The following LRP1B variants were observed in gnomAD, a reference collection of about 807,000 sequenced individuals.
LRP1B encodes LDL receptor related protein 1B.
A neutral mutation model predicts 556.6 loss-of-function variants in LRP1B; 217 were observed. The observed-to-expected ratio is 0.39, with a 90% CI of 0.35 to 0.44. The LOEUF is 0.44. Ranked by LOEUF, LRP1B falls within the 20% of genes least tolerant of loss-of-function variation. The pLI, the probability that LRP1B is intolerant of heterozygous loss-of-function variation, is 1.00. For synonymous variants in LRP1B, 2,047 were observed against 1,865.8 expected (o/e 1.10, Z -2.50); for missense variants, 5,053 against 5,620.8 (o/e 0.90, Z 3.23).
intron 3 of LRP1B, among the ~76,000 whole-genome samples, chr2:141,365,482 GTTTTT>G (rs34195312): frequency 1.3e-3 from 179 of 138,376 alleles, no homozygotes; most frequent in African/African-American, 4.5e-3. Flanking sequence ...GCTTAGAAGT[GTTTTT>G]TTTTTTTTTT....
intron 41 of LRP1B, among the ~76,000 whole-genome samples, chr2:140,697,222 T>A (rs562284097): frequency 6.6e-6 from 1 of 152,122 alleles, no homozygotes; most frequent in Non-Finnish European, 1.5e-5. Context: ...ATTGTATGTA[T>A]ACTTTAATTA....
intron 2 of LRP1B, among the ~76,000 whole-genome samples, chr2:141,709,935 G>A (rs976258195): frequency 6.6e-6 from 1 of 152,098 alleles, no homozygotes; most frequent in Admixed American, 6.5e-5. Flanking sequence ...CCTGTTTCCT[G>A]ATTCATTGAC....
intron 21 of LRP1B, among the ~76,000 whole-genome samples, chr2:140,919,725 C>T (rs540731378): frequency 1.3e-5 from 2 of 151,996 alleles, no homozygotes; most frequent in African/African-American, 2.4e-5. Flanking sequence ...GTTCATCAGG[C>T]AGTATCTCCT....
intron 31 of LRP1B, among the ~76,000 whole-genome samples, chr2:140,837,053 T>G (rs1010822898): frequency 1.6e-4 from 25 of 152,162 alleles, no homozygotes; most frequent in African/African-American, 2.4e-5. Context: ...TCACTTAGAG[T>G]CTTAATACTA....
At chr2:140,354,231 G>A (rs889434650) in intron 75 of LRP1B, among the ~76,000 whole-genome samples, 1 of 152,006 alleles carries the variant, frequency 6.6e-6, no homozygotes, top group Admixed American at 6.6e-5. Context: ...GAGAACTTAA[G>A]AATCAGCACA....
intron 83 of LRP1B, among the ~76,000 whole-genome samples, chr2:140,302,267 G>A (rs547645517): frequency 6.6e-6 from 1 of 151,838 alleles, no homozygotes; most frequent in African/African-American, 2.4e-5. Context: ...TCTGATTCTG[G>A]GCTCCTTCTT....
chr2:141,056,764 G>C (rs1699189188), intron 9 of LRP1B, among the ~76,000 whole-genome samples: 1 of 151,794 alleles, frequency 6.6e-6, no homozygotes, highest in South Asian at 2.1e-4. Flanking sequence ...GTCTGTCAAT[G>C]ACTCCCAAAT....
chr2:141,058,931 C>A lies in LRP1B; in HGVS notation c.1360G>T (p.Glu454Ter). Residue 454 changes from glutamate (E) to a stop codon, truncating the protein, a stop_gained, in exon 9 of 91, where the codon GAG becomes TAG. Transcript: ENST00000389484. LOFTEE classifies it high-confidence loss of function. ...GTDIHSLIKI[E>*]NAWGIRIYQK... is the part of the protein sequence containing the mutation. ...TAAATTCGGATTCCCCAAGCATTCT[C>A]AATTTTAATTAATGAGTGAATATCA... 6.3e-7 allele frequency: 1 copy of A among 1,599,026 alleles called. No homozygotes were observed. The highest frequency in any genetic ancestry group is 8.5e-7 in the Non-Finnish European group (1 of 1,173,822).
intron 7 of LRP1B, among the ~76,000 whole-genome samples, chr2:141,177,577 C>G (rs1288063447): frequency 1.3e-5 from 2 of 151,964 alleles, no homozygotes; most frequent in African/African-American, 4.8e-5. Context: ...TTTAAAAGCA[C>G]AATATTAATA....
chr2:140,674,674 C>T (rs1685608556), intron 41 of LRP1B, among the ~76,000 whole-genome samples: 1 of 152,200 alleles, frequency 6.6e-6, no homozygotes, highest in Non-Finnish European at 1.5e-5. Flanking sequence ...TAAAACCACG[C>T]TGTAACCCAA....
chr2:140,255,660 T>C (rs1461207327), intron 86 of LRP1B, among the ~76,000 whole-genome samples: 11 of 152,146 alleles, frequency 7.2e-5, no homozygotes, highest in Non-Finnish European at 1.5e-5. Context: ...GACAAATGAA[T>C]AGATGAATGC....
At chr2:141,934,006 C>CA (rs1304863109) in intron 1 of LRP1B, among the ~76,000 whole-genome samples, 1 of 151,476 alleles carries the variant, frequency 6.6e-6, no homozygotes, top group Non-Finnish European at 1.5e-5. Flanking sequence ...AATTATTTAG[C>CA]AAAAAATACA....
chr2:140,606,345 A>G (rs2105212939), intron 41 of LRP1B, among the ~76,000 whole-genome samples: 1 of 152,162 alleles, frequency 6.6e-6, no homozygotes, highest in South Asian at 2.1e-4. Flanking sequence ...CACCCAAACT[A>G]CAGCACATCA....
intron 2 of LRP1B, among the ~76,000 whole-genome samples, chr2:141,487,481 C>A (rs548390920): frequency 1.3e-5 from 2 of 152,272 alleles, no homozygotes; most frequent in Admixed American, 1.3e-4. Context: ...TCTACAAATG[C>A]TACTTTCATC....
At chr2:140,464,314 A>C (rs1293892583) in intron 60 of LRP1B, among the ~76,000 whole-genome samples, 1 of 152,120 alleles carries the variant, frequency 6.6e-6, no homozygotes, top group East Asian at 1.9e-4. Context: ...ATTATTTTCT[A>C]GTATTTCTTG....
intron 68 of LRP1B, among the ~76,000 whole-genome samples, chr2:140,375,984 G>C: frequency 6.6e-6 from 1 of 151,386 alleles, no homozygotes; most frequent in East Asian, 1.9e-4. Flanking sequence ...AGAGTATTCT[G>C]TGTGTAATTC....
chr2:140,529,621 G>T (rs752536891), intron 47 of LRP1B, among the ~76,000 whole-genome samples: 4 of 151,802 alleles, frequency 2.6e-5, no homozygotes, highest in Non-Finnish European at 5.9e-5. Flanking sequence ...TCTTTCAAAG[G>T]TTTGCTATGA....
intron 5 of LRP1B, among the ~76,000 whole-genome samples, chr2:141,229,917 C>T (rs1309022595): frequency 6.6e-6 from 1 of 152,208 alleles, no homozygotes; most frequent in African/African-American, 2.4e-5. Context: ...TTTGGCCTCA[C>T]TGGCTCCTTG....
intron 43 of LRP1B, among the ~76,000 whole-genome samples, chr2:140,584,387 CATATAT>C (rs35137673): frequency 0.24 from 36,111 of 149,646 alleles, 4,527 homozygotes; most frequent in Admixed American, 0.3. Context: ...GAAATGTGCT[CATATAT>C]ATATATATAT....
Sources: allele counts gnomAD v4.1 joint callset (sites outside exome capture counted in the v4.1 genomes callset), GRCh38; gene constraint gnomAD v4.1.1; transcripts MANE v1.5; gene names NCBI Gene and HGNC (gene_info 2026-07-23, HGNC 2026-07-21).